The following TBC1D22A variants were observed in gnomAD, a reference collection of about 807,000 sequenced individuals.
TBC1D22A encodes the protein TBC1 domain family member 22A, also known as putative GTPase activator.
TBC1D22A carries 38 observed loss-of-function variants against 60.2 expected under a neutral mutation model. That is an observed-to-expected ratio of 0.63 (90% confidence interval 0.49 to 0.83). The LOEUF (loss-of-function observed/expected upper bound fraction) is 0.83. Ranked by LOEUF, TBC1D22A falls within the 40% of genes least tolerant of loss-of-function variation. The probability of loss-of-function intolerance (pLI) is 0.00; values close to 1 mark genes in which losing one functional copy is unlikely to be tolerated. For synonymous variants in TBC1D22A, 302 were observed against 281.7 expected, an observed-to-expected ratio of 1.07 and a Z score of -0.72; for missense variants, 628 against 701.0, an observed-to-expected ratio of 0.90 and a Z score of 1.18.
At chr22:46,937,393 A>G (rs2071718626) in intron 8 of TBC1D22A, among the ~76,000 whole-genome samples, 3 of 152,168 alleles carry the variant, frequency 2.0e-5, no homozygotes, top group Non-Finnish European at 4.4e-5. Context: ...TGGTGACATC[A>G]TGGCCATTGT....
rs544201060 is a variant in TBC1D22A at position 47,068,726 on chromosome 22, C to T, written c.1329+31528C>T. Among the ~76,000 whole-genome samples the T allele has an allele frequency of 2.6e-4, 39 of 152,276 alleles. No homozygotes were observed. In the Middle Eastern group the frequency reaches 0.014, roughly 53 times the overall value. On this transcript the variant is annotated intron_variant, in intron 11 of 12. Transcript: ENST00000337137. ...CCTTTTAAATGAGCTAACAATTTCA[C>T]GCCGAAATCTCAGCAGTGCTATTGT...
intron 4 of TBC1D22A, among the ~76,000 whole-genome samples, chr22:46,831,613 C>G (rs985271942): frequency 2.0e-5 from 3 of 152,178 alleles, no homozygotes; most frequent in African/African-American, 7.2e-5. Context: ...AAACAATCCC[C>G]TGATACGTGA....
intron 9 of TBC1D22A, among the ~76,000 whole-genome samples, chr22:46,994,441 C>T (rs988591712): frequency 7.9e-5 from 12 of 152,308 alleles, no homozygotes; most frequent in Middle Eastern, 3.4e-3. Context: ...AGCATTTCTG[C>T]GGCTAGAGCA....
intron 8 of TBC1D22A, among the ~76,000 whole-genome samples, chr22:46,967,975 A>G (rs2073888352): frequency 6.6e-6 from 1 of 151,844 alleles, no homozygotes; most frequent in South Asian, 2.1e-4. Flanking sequence ...CCAGTCCTCT[A>G]CTCCAGTTCC....
At chr22:46,927,701 T>C (rs1258770338) in intron 8 of TBC1D22A, among the ~76,000 whole-genome samples, 1 of 152,188 alleles carries the variant, frequency 6.6e-6, no homozygotes, top group Non-Finnish European at 1.5e-5. Flanking sequence ...AGGAATCCAC[T>C]AGAAAACTAT....
intron 7 of TBC1D22A, among the ~76,000 whole-genome samples, chr22:46,896,598 C>T (rs1280629707): frequency 6.6e-6 from 1 of 152,138 alleles, no homozygotes; most frequent in East Asian, 1.9e-4. Flanking sequence ...GCTCATCTCC[C>T]ATATTTGTTA....
At chr22:47,057,912 A>C (rs77754225) in intron 11 of TBC1D22A, among the ~76,000 whole-genome samples, 3,843 of 152,300 alleles carry the variant, frequency 0.025, 138 homozygotes, top group African/African-American at 0.085. Flanking sequence ...ACACTTGTAA[A>C]GGGACCTGCT....
intron 5 of TBC1D22A, among the ~76,000 whole-genome samples, chr22:46,886,323 G>C (rs890960443): frequency 2.6e-5 from 4 of 152,222 alleles, no homozygotes; most frequent in Admixed American, 6.5e-5. Context: ...AGGACTCTGA[G>C]TGTCCCTCTC....
At chr22:46,983,631 G>A (rs1242233634) in intron 9 of TBC1D22A, among the ~76,000 whole-genome samples, 1 of 151,964 alleles carries the variant, frequency 6.6e-6, no homozygotes, top group African/African-American at 2.4e-5. Context: ...AGGTTGGAGG[G>A]AGGGTCCTTT....
intron 8 of TBC1D22A, among the ~76,000 whole-genome samples, chr22:46,912,791 G>A (rs2070045748): frequency 6.6e-6 from 1 of 152,114 alleles, no homozygotes; most frequent in South Asian, 2.1e-4. Context: ...TCCTGACCTC[G>A]TGATCTGCCC....
intron 8 of TBC1D22A, among the ~76,000 whole-genome samples, chr22:46,967,926 T>C (rs1351191113): frequency 1.3e-4 from 20 of 151,556 alleles, no homozygotes; most frequent in Admixed American, 1.1e-3. Flanking sequence ...TTACAAACTA[T>C]GATTCCAGAG....
At chr22:46,961,188 G>C (rs143242469) in intron 8 of TBC1D22A, among the ~76,000 whole-genome samples, 1 of 152,068 alleles carries the variant, frequency 6.6e-6, no homozygotes, top group Non-Finnish European at 1.5e-5. Flanking sequence ...TTTCTAGACT[G>C]CTTTTGAGTA....
chr22:47,105,455 G>C (rs2065598429), intron 11 of TBC1D22A, among the ~76,000 whole-genome samples: 1 of 152,178 alleles, frequency 6.6e-6, no homozygotes, highest in African/African-American at 2.4e-5. Context: ...TTTACCCAGG[G>C]GTATCTGCCA....
intron 8 of TBC1D22A, among the ~76,000 whole-genome samples, chr22:46,935,066 C>T (rs1193297862): frequency 6.6e-6 from 1 of 152,132 alleles, no homozygotes; most frequent in Non-Finnish European, 1.5e-5. Flanking sequence ...TCTCATCATG[C>T]AGGTTTTCAG....
intron 4 of TBC1D22A, among the ~76,000 whole-genome samples, chr22:46,855,286 C>T (rs186070219): frequency 6.6e-6 from 1 of 152,356 alleles, no homozygotes; most frequent in Admixed American, 6.5e-5. Context: ...TGGCAATCCA[C>T]TGAAATCTAG....
intron 12 of TBC1D22A, among the ~76,000 whole-genome samples, chr22:47,165,703 G>A (rs2068179129): frequency 6.6e-6 from 1 of 152,144 alleles, no homozygotes; most frequent in Non-Finnish European, 1.5e-5. Flanking sequence ...AAAGACGGAG[G>A]GGTCAAGAGA....
intron 4 of TBC1D22A, among the ~76,000 whole-genome samples, chr22:46,816,325 G>T (rs1351029586): frequency 6.6e-6 from 1 of 152,248 alleles, no homozygotes; most frequent in African/African-American, 2.4e-5. Context: ...TCAGGGCCAT[G>T]CTTGGTAATG....
chr22:47,039,452 A>G (rs1487083195), intron 11 of TBC1D22A, among the ~76,000 whole-genome samples: 1 of 152,122 alleles, frequency 6.6e-6, no homozygotes, highest in Non-Finnish European at 1.5e-5. Context: ...TACAGGTTTT[A>G]GTTACTCTTT....
At chr22:46,934,599 G>T (rs2071539904) in intron 8 of TBC1D22A, among the ~76,000 whole-genome samples, 1 of 152,202 alleles carries the variant, frequency 6.6e-6, no homozygotes, top group Non-Finnish European at 1.5e-5. Context: ...TCATAAGACG[G>T]CAAGGACTCT....
Sources: allele counts gnomAD v4.1 joint callset (sites outside exome capture counted in the v4.1 genomes callset), GRCh38; gene constraint gnomAD v4.1.1; transcripts MANE v1.5; gene names NCBI Gene and HGNC (gene_info 2026-07-23, HGNC 2026-07-21).